Variants in GPR173 observed in about 807,000 individuals in gnomAD.
GPR173 encodes G protein-coupled receptor 173.
Under a neutral mutation model 13.9 loss-of-function variants are expected in GPR173, and 2 were observed. That is an observed-to-expected ratio of 0.14 (90% CI 0.06 to 0.45). The LOEUF (loss-of-function observed/expected upper bound fraction) is 0.45. Among genes scored for constraint, GPR173 ranks in the 20% least tolerant of loss-of-function variants. The probability of loss-of-function intolerance (pLI) is 0.98; values close to 1 mark genes in which losing one functional copy is unlikely to be tolerated. For synonymous variants in GPR173, 131 were observed against 141.0 expected, an observed-to-expected ratio of 0.93 and a Z score of 0.50; for missense variants, 202 against 340.5, an observed-to-expected ratio of 0.59 and a Z score of 3.20.
intron 1 of GPR173, among the ~76,000 whole-genome samples, chrX:53,066,475 A>T (rs1473425436): frequency 1.8e-5 from 2 of 111,217 alleles, no homozygotes; most frequent in Non-Finnish European, 3.8e-5. Flanking sequence ...CCTGGGCAAC[A>T]TGGTAAAACC....
Position 53,079,201 on chromosome X carries a change from C to A in GPR173, c.*1458C>A, listed in dbSNP as rs1556806286. On this transcript the variant is annotated 3_prime_UTR_variant, in exon 2 of 2. Coordinates refer to ENST00000332582, the MANE Select transcript of GPR173 (RefSeq NM_018969.6). ...GCCGGAATCTGTATTTATCCATCCC[C>A]CTTTCCCTTCTTTATAGAAGTCCCT... 8.1e-6 allele frequency: 1 copy of A among 122,906 alleles called. No homozygotes were observed. Among genetic ancestry groups the A allele is most frequent in the African/African-American group, 3.3e-5 (1 of 30,654 alleles). The allele number at this position is 122,906 out of a possible 1,213,427, so 10.1% of individuals were successfully genotyped here.
At chrX:53,053,711 G>T (rs1241542900) in intron 1 of GPR173, among the ~76,000 whole-genome samples, 2 of 112,767 alleles carry the variant, frequency 1.8e-5, no homozygotes, top group Non-Finnish European at 3.7e-5. Context: ...GTATTTGTGT[G>T]TATGACTGAG....
At chrX:53,074,373 AATAAATAT>A (rs1385849045) in intron 1 of GPR173, among the ~76,000 whole-genome samples, 1 of 16,517 alleles carries the variant, frequency 6.1e-5, no homozygotes, top group Non-Finnish European at 8.9e-5. Context: ...TTTATTTATA[AATAAATAT>A]ATAAATATAT....
chrX:53,066,360 G>A (rs1276951160), intron 1 of GPR173, among the ~76,000 whole-genome samples: 2 of 111,526 alleles, frequency 1.8e-5, no homozygotes, highest in Admixed American at 1.9e-4. Context: ...CTATTCTTTA[G>A]TGTCTTTAAC....
chrX:53,062,635 TAC>T (rs1384191876), intron 1 of GPR173, among the ~76,000 whole-genome samples: 1 of 91,539 alleles, frequency 1.1e-5, no homozygotes, highest in African/African-American at 4.3e-5. Flanking sequence ...CAGGCTGGAG[TAC>T]AGTGATGGGA....
At chrX:53,055,462 G>A (rs1556803138) in intron 1 of GPR173, among the ~76,000 whole-genome samples, 1 of 110,466 alleles carries the variant, frequency 9.1e-6, no homozygotes, top group East Asian at 2.8e-4. Flanking sequence ...ATGGCGTGTG[G>A]TGAGAGCTTT....
chrX:53,066,652 C>T (rs1436723364), intron 1 of GPR173, among the ~76,000 whole-genome samples: 1 of 91,830 alleles, frequency 1.1e-5, no homozygotes, highest in Non-Finnish European at 2.1e-5. Context: ...TGGGCAACAG[C>T]GAGACTCAAA....
chrX:53,078,004 C>G lies in GPR173; in HGVS notation c.*261C>G. 5.7e-6 allele frequency: 2 copies of G among 348,341 alleles called. No homozygotes were observed. Among genetic ancestry groups the G allele is most frequent in the Non-Finnish European group, 5.0e-6 (1 of 201,286 alleles). 28.7% of individuals were successfully genotyped at this position (348,341 alleles called of 1,213,427 possible). On this transcript the variant is annotated 3_prime_UTR_variant, in exon 2 of 2. Transcript: ENST00000332582. ...CTCCACTTCTACAATCTCATTCTCT[C>G]TCTCTCTCTCTCTGTCTCTCTCTCT... is the stretch of plus-strand genomic sequence containing the variant.
At chrX:53,053,491 T>C (rs1275634745) in intron 1 of GPR173, among the ~76,000 whole-genome samples, 1 of 113,320 alleles carries the variant, frequency 8.8e-6, no homozygotes, top group African/African-American at 3.2e-5. Flanking sequence ...ATGTCACGCA[T>C]GCGTGCCTAT....
chrX:53,069,387 G>A (rs945301808), intron 1 of GPR173, among the ~76,000 whole-genome samples: 1 of 111,777 alleles, frequency 8.9e-6, no homozygotes, highest in South Asian at 3.6e-4. Flanking sequence ...ATACTATCTG[G>A]AATGTTTCAA....
intron 1 of GPR173, among the ~76,000 whole-genome samples, chrX:53,074,030 A>T (rs1237039209): frequency 4.6e-5 from 2 of 43,342 alleles, no homozygotes; most frequent in Non-Finnish European, 6.9e-5. Context: ...ATATTTATAT[A>T]TAAATATATA....
At chrX:53,063,499 G>T (rs1315359519) in intron 1 of GPR173, among the ~76,000 whole-genome samples, 1 of 110,842 alleles carries the variant, frequency 9.0e-6, no homozygotes, top group Non-Finnish European at 1.9e-5. Context: ...GCAGTCTCTT[G>T]GTCACACCCT....
chrX:53,058,572 G>C (rs1400078901), intron 1 of GPR173, among the ~76,000 whole-genome samples: 1 of 111,419 alleles, frequency 9.0e-6, no homozygotes, highest in Non-Finnish European at 1.9e-5. Context: ...TTGCCTTTGT[G>C]TGTGTGTAGC....
intron 1 of GPR173, among the ~76,000 whole-genome samples, chrX:53,069,914 G>A (rs781806405): frequency 1.8e-5 from 2 of 110,878 alleles, no homozygotes; most frequent in East Asian, 5.6e-4. Flanking sequence ...GCATGTGTGT[G>A]TATATGTGGG....
intron 1 of GPR173, among the ~76,000 whole-genome samples, chrX:53,057,757 A>G (rs1025208122): frequency 2.7e-4 from 30 of 111,931 alleles, no homozygotes; most frequent in Non-Finnish European, 5.5e-4. Context: ...TCCGTCTCAA[A>G]AAAGAGAAAA....
chrX:53,051,361 AAG>A (rs1556802660), intron 1 of GPR173, among the ~76,000 whole-genome samples: 2 of 110,985 alleles, frequency 1.8e-5, no homozygotes, highest in African/African-American at 6.6e-5. Context: ...GACTTTTCTG[AAG>A]AAGCATTTGG....
intron 1 of GPR173, among the ~76,000 whole-genome samples, chrX:53,074,056 T>TTATA (rs1221760590): frequency 3.5e-5 from 1 of 28,338 alleles, no homozygotes; most frequent in Non-Finnish European, 5.0e-5. Context: ...AAATATATAT[T>TTATA]TATAAATATA....
chrX:53,077,972 C>T lies in GPR173; in HGVS notation c.*229C>T. Reference sequence around the variant, plus strand: ...AGTTTTGTGGGGCCTGTCTCCGCTGCCTCCTTCTCCACTTCTACAATCTCA... The same window carrying T: ...AGTTTTGTGGGGCCTGTCTCCGCTGTCTCCTTCTCCACTTCTACAATCTCA... On this transcript the variant is annotated 3_prime_UTR_variant, in exon 2 of 2. Coordinates refer to ENST00000332582, the MANE Select transcript of GPR173 (RefSeq NM_018969.6). 1 of 400,043 alleles carries T rather than the reference C, an allele frequency of 2.5e-6. No homozygotes were observed. The highest frequency in any genetic ancestry group is 4.4e-6 in the Non-Finnish European group (1 of 225,078). 33.0% of individuals were successfully genotyped at this position (400,043 alleles called of 1,213,427 possible). A position where few individuals can be genotyped will look rare whatever the true frequency, so the allele number is the denominator to read the frequency against.
chrX:53,067,768 G>A (rs1440784229), intron 1 of GPR173, among the ~76,000 whole-genome samples: 1 of 104,752 alleles, frequency 9.5e-6, no homozygotes, highest in East Asian at 3.0e-4. Context: ...AGCTTGCAGT[G>A]AGCCGAGATC....
Sources: allele counts gnomAD v4.1 joint callset (sites outside exome capture counted in the v4.1 genomes callset), GRCh38; gene constraint gnomAD v4.1.1; transcripts MANE v1.5; gene names NCBI Gene and HGNC (gene_info 2026-07-23, HGNC 2026-07-21).